Variants in CLIP4 observed in about 807,000 individuals in gnomAD.
CLIP4 encodes the protein CAP-Gly domain-containing linker protein 4.
A neutral mutation model predicts 73.1 loss-of-function variants in CLIP4; 47 were observed. That is an observed-to-expected ratio of 0.64 (90% CI 0.51 to 0.82). CLIP4 has a LOEUF of 0.82. Ranked by LOEUF, CLIP4 falls within the 40% of genes least tolerant of loss-of-function variation. The pLI is 0.00. For missense variants in CLIP4, 874 were observed against 852.9 expected, an observed-to-expected ratio of 1.02 and a Z score of -0.31; for synonymous variants, 306 against 295.4, an observed-to-expected ratio of 1.04 and a Z score of -0.37.
At chr2:29,121,019 A>G (rs545746770) in intron 1 of CLIP4, among the ~76,000 whole-genome samples, 5 of 152,288 alleles carry the variant, frequency 3.3e-5, no homozygotes, top group Admixed American at 1.3e-4. Context: ...GTGTTATGGG[A>G]AGTTAAAGAT....
intron 11 of CLIP4, among the ~76,000 whole-genome samples, chr2:29,158,465 A>G (rs1484006700): frequency 6.6e-6 from 1 of 152,226 alleles, no homozygotes; most frequent in African/African-American, 2.4e-5. Context: ...GACTTAAACA[A>G]CAGTGAAGAT....
chr2:29,142,066 G>C (rs1665810012), intron 6 of CLIP4, among the ~76,000 whole-genome samples: 4 of 152,098 alleles, frequency 2.6e-5, no homozygotes, highest in African/African-American at 9.7e-5. Context: ...TTGCCTCCTA[G>C]TCTCAATTGT....
chr2:29,113,808 G>A (rs536351936), upstream of CLIP4, among the ~76,000 whole-genome samples: 21 of 152,252 alleles, frequency 1.4e-4, no homozygotes, highest in Non-Finnish European at 2.6e-4. The surrounding 1 kb of genome is among the most constrained non-coding windows in gnomAD (Gnocchi z 4.0). Flanking sequence ...GTTACACACA[G>A]ATCTTTATGA....
chr2:29,148,170 C>T (rs946453250), intron 8 of CLIP4, among the ~76,000 whole-genome samples: 4 of 152,086 alleles, frequency 2.6e-5, no homozygotes, highest in Non-Finnish European at 5.9e-5. Flanking sequence ...TGGGTATAGC[C>T]CTTGACAGCC....
chr2:29,107,780 G>A (rs1668270354), intron 1 of CLIP4, among the ~76,000 whole-genome samples: 1 of 152,082 alleles, frequency 6.6e-6, no homozygotes, highest in Non-Finnish European at 1.5e-5. Flanking sequence ...TCTATCTCCT[G>A]GGCTCAAGCG....
intron 15 of CLIP4, among the ~76,000 whole-genome samples, chr2:29,179,515 C>T (rs1231431743): frequency 2.0e-5 from 3 of 152,298 alleles, no homozygotes; most frequent in African/African-American, 7.2e-5. Context: ...TCTCTCTGAC[C>T]TTAGGCACAT....
chr2:29,176,888 A>C (rs1049730982), intron 15 of CLIP4, among the ~76,000 whole-genome samples: 1 of 152,202 alleles, frequency 6.6e-6, no homozygotes, highest in South Asian at 2.1e-4. Context: ...GATACCATCC[A>C]GTTGGCCACA....
chr2:29,101,821 A>T (rs1164631332), intron 1 of CLIP4, among the ~76,000 whole-genome samples: 3 of 152,128 alleles, frequency 2.0e-5, no homozygotes, highest in African/African-American at 7.2e-5. Context: ...CTTCACATAT[A>T]TCTCAAGCCA....
Position 29,145,355 on chromosome 2 carries a change from G to GC in CLIP4, c.1014dup (p.Lys339GlnfsTer13). 1.2e-6 allele frequency: 2 copies of GC among 1,609,316 alleles called. No homozygotes were observed. Among genetic ancestry groups the GC allele is most frequent in the Non-Finnish European group, 1.7e-6 (2 of 1,176,466 alleles). On this transcript the variant is annotated frameshift_variant, in exon 8 of 16. Coordinates refer to ENST00000320081, the MANE Select transcript of CLIP4 (RefSeq NM_024692.6). LOFTEE classifies it high-confidence loss of function. ...TGGAAAAGTCCAGTACTTTAAATGTGCCCCCAAGTATGGTAAGGTTGATAT... is the reference window on the plus strand; with the variant it reads ...TGGAAAAGTCCAGTACTTTAAATGTGCCCCCCAAGTATGGTAAGGTTGATAT...
intron 3 of CLIP4, chr2:29,131,841 C>A (rs1375902952): frequency 3.1e-6 from 1 of 325,034 alleles, no homozygotes; most frequent in South Asian, 6.1e-5. Context: ...AGTGCTTATA[C>A]TTTTTTCAAA....
rs143906870 is a variant in CLIP4 at position 29,115,982 on chromosome 2, G to C, written c.-16+317G>C. ...ACCCGGCGGCGGAGCTGGGCTCTGGGCCACGACCGCCAGCCGCGGCTGCCC... is the reference window on the plus strand; with the variant it reads ...ACCCGGCGGCGGAGCTGGGCTCTGGCCCACGACCGCCAGCCGCGGCTGCCC... On this transcript the variant is annotated intron_variant, in intron 1 of 15. Coordinates refer to ENST00000320081, the MANE Select transcript of CLIP4 (RefSeq NM_024692.6). This position sits in a 1 kb window ranked among gnomAD's most constrained non-coding sequence, Gnocchi z 5.1. 0.028 allele frequency among the ~76,000 whole-genome samples: 4,290 copies of C among 152,272 alleles called. 165 individuals carry two copies. The highest frequency in any genetic ancestry group is 0.091 in the East Asian group (467 of 5,156).
Position 29,133,431 on chromosome 2 carries a change from A to C in CLIP4, c.368-224A>C, listed in dbSNP as rs149299293. 1.7e-4 allele frequency among the ~76,000 whole-genome samples: 26 copies of C among 152,320 alleles called. 2 individuals carry two copies. The East Asian group carries it at 5.0e-3, about 29-fold the overall frequency. On this transcript the variant is annotated intron_variant, in intron 4 of 15. Transcript: ENST00000320081. ...TATACTTTTTGGATTTTTTAGAATT[A>C]TATTAACAATAAGAGTGCAGTGATG...
At chr2:29,121,197 A>G (rs1467036181) in intron 1 of CLIP4, among the ~76,000 whole-genome samples, 177 bp from the exon 2 acceptor site, 2 of 152,186 alleles carry the variant, frequency 1.3e-5, no homozygotes, top group Middle Eastern at 3.2e-3. Flanking sequence ...GTGTGAAGCA[A>G]TGTATGCCTT....
chr2:29,107,305 T>A (rs1036472205), intron 1 of CLIP4, among the ~76,000 whole-genome samples: 2 of 150,120 alleles, frequency 1.3e-5, no homozygotes, highest in Non-Finnish European at 3.0e-5. Flanking sequence ...TGTGTGTGTG[T>A]GCATGTGATA....
intron 8 of CLIP4, among the ~76,000 whole-genome samples, chr2:29,149,062 ATGT>A (rs1359079465): frequency 6.6e-6 from 1 of 152,142 alleles, no homozygotes; most frequent in Non-Finnish European, 1.5e-5. Flanking sequence ...CGCATGGTAA[ATGT>A]TGTAGGCCTT....
At chr2:29,108,102 T>C (rs1022927133) in intron 1 of CLIP4, among the ~76,000 whole-genome samples, 2 of 152,164 alleles carry the variant, frequency 1.3e-5, no homozygotes, top group Non-Finnish European at 2.9e-5. Flanking sequence ...GGGGATATGT[T>C]CTAAGATTCC....
chr2:29,135,662 T>G lies in CLIP4; in HGVS notation c.644T>G (p.Phe215Cys), dbSNP rs753169726. The part of the protein sequence containing the change: ...CLLEQGANPA[F>C]RNDKGQIPAD... The stretch of plus-strand genomic sequence containing the variant: ...TTGGAGCAGGGAGCAAATCCTGCAT[T>G]TAGGGTAAGAGGTTAAATTAAAAGT... The change falls in exon 6 of 16, where the codon TTT becomes TGT. Residue 215 changes from phenylalanine to cysteine, a missense_variant. By Grantham distance (205) the Phe-to-Cys change is radical. Transcript: ENST00000320081. 1 of 1,594,978 alleles carries G rather than the reference T, an allele frequency of 6.3e-7. No homozygotes were observed. Among genetic ancestry groups the G allele is most frequent in the Non-Finnish European group, 8.6e-7 (1 of 1,168,392 alleles).
intron 1 of CLIP4, among the ~76,000 whole-genome samples, chr2:29,107,389 T>TTTTTTTTTTTTTC (rs1668255539): frequency 3.0e-5 from 4 of 134,328 alleles, no homozygotes; most frequent in African/African-American, 1.2e-4. Context: ...TTTTTTTTTT[T>TTTTTTTTTTTTTC]GAGATGGAGT....
At chr2:29,166,546 C>G (rs1184608244) in intron 13 of CLIP4, among the ~76,000 whole-genome samples, 1 of 151,742 alleles carries the variant, frequency 6.6e-6, no homozygotes, top group African/African-American at 2.4e-5. Context: ...CACACACACA[C>G]ACACACACAC....
Sources: gnomAD v4.1 joint callset for allele counts (sites outside exome capture counted in the v4.1 genomes callset) on GRCh38, gnomAD v4.1.1 for gene constraint, Gnocchi (gnomAD v3.1) non-coding constraint, MANE v1.5 for transcripts, NCBI Gene and HGNC (gene_info 2026-07-23, HGNC 2026-07-21) for gene names.